The following BCO2 variants were observed in gnomAD, a reference collection of about 807,000 sequenced individuals.
BCO2 encodes beta-carotene oxygenase 2.
Under a neutral mutation model 65.8 loss-of-function variants are expected in BCO2, and 56 were observed. That is an observed-to-expected ratio of 0.85 (90% CI 0.69 to 1.06). BCO2 has a LOEUF of 1.06. BCO2 is among the 50% of genes least tolerant of loss of function. The probability of loss-of-function intolerance (pLI) is 0.00; values close to 1 mark genes in which losing one functional copy is unlikely to be tolerated. For missense variants in BCO2, 675 were observed against 698.5 expected (o/e 0.97, Z 0.38); for synonymous variants, 233 against 242.3 (o/e 0.96, Z 0.36).
chr11:112,194,810 A>G lies in BCO2; in HGVS notation c.736+55A>G. ...ATAATTGAGACCAGGCACGGTGTGT[A>G]TATAAAGATGAATACTACAGGTTTG... On this transcript the variant is annotated intron_variant, in intron 5 of 11. Transcript: ENST00000357685. 5 of 1,262,038 alleles carry G rather than the reference A, an allele frequency of 4.0e-6. No homozygotes were observed. In the South Asian group the frequency reaches 5.0e-5, roughly 13 times the overall value. The allele number at this position is 1,262,038 out of a possible 1,614,324, so 78.2% of individuals were successfully genotyped here. A position where few individuals can be genotyped will look rare whatever the true frequency, so the allele number is the denominator to read the frequency against.
intron 5 of BCO2, among the ~76,000 whole-genome samples, chr11:112,197,121 G>A (rs1176876139): frequency 1.3e-5 from 2 of 152,176 alleles, no homozygotes; most frequent in Non-Finnish European, 2.9e-5. Flanking sequence ...GCACCATTGT[G>A]CCTGGCTTAT....
At chr11:112,193,839 T>G in intron 3 of BCO2, 40 bp from the exon 4 acceptor site, 1 of 1,469,386 alleles carries the variant, frequency 6.8e-7, no homozygotes, top group African/African-American at 1.4e-5. Context: ...TCGTCTACAG[T>G]AAGCTGTGGT....
chr11:112,177,860 G>A (rs1866925740), intron 1 of BCO2, among the ~76,000 whole-genome samples: 1 of 151,734 alleles, frequency 6.6e-6, no homozygotes, highest in South Asian at 2.1e-4. Flanking sequence ...GCCTCTTAAG[G>A]GAAGTACTGT....
rs1295559048 is a variant in BCO2, at chr11:112,218,425, G to C, written c.*551G>C. On this transcript the variant is annotated 3_prime_UTR_variant, in exon 12 of 12. Transcript: ENST00000357685. ...CCTCACTCATCATGGCCTAGCATGTGCAATTTGTGAAGCTGCCAAAGCGTT... is the reference window on the plus strand; with the variant it reads ...CCTCACTCATCATGGCCTAGCATGTCCAATTTGTGAAGCTGCCAAAGCGTT... 1 of 203,492 alleles carries C rather than the reference G, an allele frequency of 4.9e-6. No homozygotes were observed. Among genetic ancestry groups the C allele is most frequent in the Non-Finnish European group, 1.1e-5 (1 of 93,664 alleles). The allele number at this position is 203,492 out of a possible 1,614,324, so 12.6% of individuals were successfully genotyped here.
rs1555193555 is a variant in BCO2 at position 112,176,522 on chromosome 11, G to GGGGC, written c.88+836_88+837insCGGG. ...AGATGAAGAAAATTGATTGGCGGGG[G>GGGGC]GGGGGGAATTAAACATTCTATTTTG... On this transcript the variant is annotated intron_variant, in intron 1 of 11. Transcript: ENST00000357685. The GGGGC allele has an allele frequency of 4.3e-4, 59 of 137,130 alleles. 14 individuals are homozygous for GGGGC. In the East Asian group the frequency reaches 0.013, roughly 31 times the overall value. 8.5% of individuals were successfully genotyped at this position (137,130 alleles called of 1,614,324 possible). A position where few individuals can be genotyped will look rare whatever the true frequency, so the allele number is the denominator to read the frequency against.
chr11:112,192,925 G>GTTTTTTTTTGTTTTTTTTTTTT (rs1867434124), intron 2 of BCO2, among the ~76,000 whole-genome samples: 1 of 36,658 alleles, frequency 2.7e-5, no homozygotes, highest in African/African-American at 1.0e-4. Context: ...AAAATGTGAG[G>GTTTTTTTTTGTTTTTTTTTTTT]TTTTTTTTTT....
intron 2 of BCO2, among the ~76,000 whole-genome samples, chr11:112,186,249 G>A (rs1350607197): frequency 6.6e-6 from 1 of 152,212 alleles, no homozygotes; most frequent in Non-Finnish European, 1.5e-5. Context: ...CCAAGTAGCA[G>A]AACCACTCAG....
chr11:112,193,633 G>T lies in BCO2; in HGVS notation c.453G>T (p.Pro151=). 2 of 1,614,076 alleles carry T rather than the reference G, an allele frequency of 1.2e-6. No individual in the cohort carries two copies. Among genetic ancestry groups the T allele is most frequent in the African/African-American group, 2.7e-5 (2 of 75,010 alleles). Residue 151 remains proline (P), a synonymous_variant, in exon 3 of 12, where the codon CCG becomes CCT. Transcript: ENST00000357685. ...VISEFGTLAL[P]DPCKNVFERF... ...CAGAATTTGGCACACTGGCTCTCCC[G>T]GATCCATGCAAGAATGTTTTTGAAC...
intron 8 of BCO2, among the ~76,000 whole-genome samples, chr11:112,212,048 A>G (rs1859526787): frequency 2.7e-5 from 1 of 36,910 alleles, no homozygotes; most frequent in African/African-American, 9.2e-5. Flanking sequence ...CCTTTTATAA[A>G]AAAAAAAGCT....
Position 112,217,866 on chromosome 11 carries a change from C to T in BCO2, c.1732C>T (p.Pro578Ser), listed in dbSNP as rs774460713. The change falls in exon 12 of 12, where the codon CCC (proline) becomes TCC (serine). Residue 578 changes from proline to serine, a missense_variant. By Grantham distance (74) the Pro-to-Ser change is moderately conservative. Coordinates refer to ENST00000357685, the MANE Select transcript of BCO2 (RefSeq NM_031938.7). Reference sequence around the variant, plus strand: ...TTATGGGTTCCATGGTACCTTCATACCCATCTGATGGGACAACCACAAGGT... The same window carrying T: ...TTATGGGTTCCATGGTACCTTCATATCCATCTGATGGGACAACCACAAGGT... Reference protein sequence around the residue: ...MPYGFHGTFIPI With the variant: ...MPYGFHGTFISI The T allele has an allele frequency of 5.0e-6, 8 of 1,607,650 alleles. No individual in the cohort carries two copies. Among genetic ancestry groups the T allele is most frequent in the Non-Finnish European group, 6.8e-6 (8 of 1,174,906 alleles).
chr11:112,205,021 T>C (rs1184941104), intron 8 of BCO2, among the ~76,000 whole-genome samples: 1 of 152,234 alleles, frequency 6.6e-6, no homozygotes, highest in Non-Finnish European at 1.5e-5. Context: ...AATAATACAG[T>C]ATATAATACA....
At position 112,193,957 on chromosome 11, in the gene BCO2, A is replaced by G. The variant is rs1423691447; in HGVS notation, c.596A>G (p.Asn199Ser). The G allele has an allele frequency of 6.2e-7, 1 of 1,610,402 alleles. No individual in the cohort carries two copies. Among genetic ancestry groups the G allele is most frequent in the East Asian group, 2.2e-5 (1 of 44,854 alleles). The change falls in exon 4 of 12, where the codon AAT becomes AGT. Residue 199 changes from asparagine (N) to serine (S), a missense_variant. Physicochemically the swap from Asn to Ser is conservative, Grantham distance 46 (BLOSUM62 1). Transcript: ENST00000357685. ...CTCTGCACTGAGACCAACTTTATGA[A>G]TAAAGTGGACATTGAAACTCTGGAA... ...YYLCTETNFMNKVDIETLEKT... is the reference protein window; with the variant it reads ...YYLCTETNFMSKVDIETLEKT...
chr11:112,187,999 G>C (rs1425743967), intron 2 of BCO2, among the ~76,000 whole-genome samples: 1 of 152,144 alleles, frequency 6.6e-6, no homozygotes, highest in East Asian at 1.9e-4. Context: ...GTAAGTGCTT[G>C]GTAGATGGCA....
intron 1 of BCO2, among the ~76,000 whole-genome samples, chr11:112,178,312 A>G (rs763392419): frequency 6.6e-6 from 1 of 152,160 alleles, no homozygotes; most frequent in Non-Finnish European, 1.5e-5. Flanking sequence ...GGTTTGACTC[A>G]TTTGTTACAT....
At chr11:112,178,429 TTCAGAG>T (rs1249280558) in intron 1 of BCO2, among the ~76,000 whole-genome samples, 1 of 152,228 alleles carries the variant, frequency 6.6e-6, no homozygotes, top group Admixed American at 6.5e-5. Flanking sequence ...ATCTCACTTC[TTCAGAG>T]TAATAGTGTC....
At position 112,216,220 on chromosome 11, in the gene BCO2, G is replaced by A. The variant is rs150159392; in HGVS notation, c.1516G>A (p.Val506Ile). ...CAAATGCTTTTTTTGGGACTTGCAG[G>A]TTTGGAGAGAAGATGGCTTTTATCC... ...KVDVVNKTLKVWREDGFYPSE... is the reference protein window; with the variant it reads ...KVDVVNKTLKIWREDGFYPSE... The change falls in exon 11 of 12, where the codon GTT (valine) becomes ATT (isoleucine). Residue 506 changes from valine to isoleucine, a missense_variant and splice_region_variant. Physicochemically the swap from Val to Ile is conservative, Grantham distance 29. Transcript: ENST00000357685. 1.7e-5 allele frequency: 27 copies of A among 1,612,986 alleles called. No homozygotes were observed. In the African/African-American group the frequency reaches 3.5e-4, roughly 21 times the overall value.
intron 2 of BCO2, chr11:112,181,342 C>T (rs547384595): frequency 1.1e-5 from 6 of 522,868 alleles, no homozygotes; most frequent in East Asian, 3.5e-5. Context: ...CCACTACGCC[C>T]GGCTAATTTT....
In BCO2 at chr11:112,213,804, C is replaced by A. The variant is rs770750319; in HGVS notation, c.1275C>A (p.Asp425Glu). 4.3e-6 allele frequency: 7 copies of A among 1,613,424 alleles called. No homozygotes were observed. The highest frequency in any genetic ancestry group is 1.1e-5 in the South Asian group (1 of 91,044). The part of the protein sequence containing the change: ...LNVSLNAPEG[D>E]NLSPLSYTSA... The stretch of plus-strand genomic sequence containing the variant: ...TCAGTTTGAATGCCCCTGAGGGAGA[C>A]AACCTGAGTCCATTGTCCTATACTT... Residue 425 changes from aspartate (D) to glutamate (E), a missense_variant, in exon 9 of 12, where the codon GAC (aspartate) becomes GAA (glutamate). Physicochemically the swap from Asp to Glu is conservative, Grantham distance 45. Transcript: ENST00000357685.
chr11:112,193,483 T>C lies in BCO2; in HGVS notation c.303T>C (p.His101=). The C allele has an allele frequency of 6.2e-7, 1 of 1,614,036 alleles. No individual in the cohort carries two copies. The highest frequency in any genetic ancestry group is 8.5e-7 in the Non-Finnish European group (1 of 1,179,924). ...TTTCTCCTGTTTGAAGGTACAATCA[T>C]TGGTTTGATGGGATGGCGCTGCTTC... is the stretch of plus-strand genomic sequence containing the variant. ...KFEFGKDKYN[H]WFDGMALLHQ... Residue 101 remains histidine, a synonymous_variant, in exon 3 of 12, where the codon CAT becomes CAC. Transcript: ENST00000357685.
Sources: allele counts gnomAD v4.1 joint callset (sites outside exome capture counted in the v4.1 genomes callset), GRCh38; gene constraint gnomAD v4.1.1; transcripts MANE v1.5; gene names NCBI Gene and HGNC (gene_info 2026-07-23, HGNC 2026-07-21).